The following AGAP1 variants were observed in gnomAD, a reference collection of about 807,000 sequenced individuals.
The protein encoded by AGAP1 is arf-GAP with GTPase, ANK repeat and PH domain-containing protein 1.
Under a neutral mutation model 105.3 loss-of-function variants are expected in AGAP1, and 29 were observed. The ratio of observed to expected loss-of-function variants is 0.28; its 90% CI spans 0.21 to 0.38. The LOEUF is 0.38. Ranked by LOEUF, AGAP1 falls within the 10% of genes least tolerant of loss-of-function variation. The pLI, the probability that AGAP1 is intolerant of heterozygous loss-of-function variation, is 1.00. For missense variants in AGAP1, 998 were observed against 1,165.1 expected, an observed-to-expected ratio of 0.86 and a Z score of 2.09; for synonymous variants, 509 against 485.9, an observed-to-expected ratio of 1.05 and a Z score of -0.63.
rs78641346 is a variant in AGAP1, at chr2:235,522,516, G to A, written c.163+27667G>A. Among the ~76,000 whole-genome samples the A allele has an allele frequency of 8.1e-3, 1,237 of 152,280 alleles. 15 individuals are homozygous for A. Among genetic ancestry groups the A allele is most frequent in the African/African-American group, 0.028 (1,181 of 41,552 alleles). The stretch of plus-strand genomic sequence containing the variant: ...AGAGAATGGGAGACACCCTGGAGAA[G>A]CCAAGCTGGGGAGGGAAGGAAGACG... On this transcript the variant is annotated intron_variant, in intron 1 of 17. Coordinates refer to ENST00000304032, the MANE Select transcript of AGAP1 (RefSeq NM_001037131.3).
chr2:236,048,109 G>A lies in AGAP1; in HGVS notation c.1892-950G>A, dbSNP rs746545709. ...TTTGTTGACTCTTCAGGTGTGTCCA[G>A]AGTAAGCATTGCCTATTCCCAGGTG... On this transcript the variant is annotated intron_variant, in intron 15 of 17. Transcript: ENST00000304032. Among the ~76,000 whole-genome samples, 6 of 152,234 alleles carry A rather than the reference G, an allele frequency of 3.9e-5. 1 individual carries two copies. The highest frequency in any genetic ancestry group is 3.9e-4 in the Admixed American group (6 of 15,276).
At position 236,101,033 on chromosome 2, in the gene AGAP1, G is replaced by T. The variant is rs1316256643; in HGVS notation, c.2115-19159G>T. On this transcript the variant is annotated intron_variant, in intron 16 of 17. Transcript: ENST00000304032. This position sits in a 1 kb window ranked among gnomAD's most constrained non-coding sequence, Gnocchi z 4.9. ...TGAGCATCAGCTAGGCTGACACAGG[G>T]GTCCGCAGACCCAGGCCCCTCATTC... Among the ~76,000 whole-genome samples, 5 of 152,010 alleles carry T rather than the reference G, an allele frequency of 3.3e-5. No individual in the cohort carries two copies. The highest frequency in any genetic ancestry group is 5.9e-5 in the Non-Finnish European group (4 of 68,020).
At chr2:235,538,460 T>TGTGCGC (rs1553561884) in intron 1 of AGAP1, among the ~76,000 whole-genome samples, 1 of 150,446 alleles carries the variant, frequency 6.6e-6, no homozygotes, top group African/African-American at 2.5e-5. Flanking sequence ...TGTGTGTGTG[T>TGTGCGC]GCATGCTTGT....
chr2:235,804,293 G>A (rs184013419), intron 8 of AGAP1, among the ~76,000 whole-genome samples: 1 of 152,274 alleles, frequency 6.6e-6, no homozygotes, highest in East Asian at 1.9e-4. Context: ...TGTTATTTAT[G>A]TGATATTTTT....
chr2:236,036,866 G>A lies in AGAP1; in HGVS notation c.1800+151G>A, dbSNP rs747924726. On this transcript the variant is annotated intron_variant, in intron 14 of 17. Transcript: ENST00000304032. This position sits in a 1 kb window ranked among gnomAD's most constrained non-coding sequence, Gnocchi z 5.7. Reference sequence around the variant, plus strand: ...GAGCAGAAAGCTCAATAACTAAAACGATCAGAAGCACTTTGTGTCTATACC... The same window carrying A: ...GAGCAGAAAGCTCAATAACTAAAACAATCAGAAGCACTTTGTGTCTATACC... 8 of 1,273,656 alleles carry A rather than the reference G, an allele frequency of 6.3e-6. No individual in the cohort carries two copies. In the East Asian group the frequency reaches 1.3e-4, roughly 20 times the overall value. 78.9% of individuals were successfully genotyped at this position (1,273,656 alleles called of 1,614,324 possible).
At position 235,732,154 on chromosome 2, in the gene AGAP1, G is replaced by C. The variant is rs183964961; in HGVS notation, c.311-8809G>C. On this transcript the variant is annotated intron_variant, in intron 3 of 17. Coordinates refer to ENST00000304032, the MANE Select transcript of AGAP1 (RefSeq NM_001037131.3). This position sits in a 1 kb window ranked among gnomAD's most constrained non-coding sequence, Gnocchi z 4.8. ...GAACATTCCTTTGTCTTTTATCTTCGAATAGTCTTTGAGTTCTTTTGTTGT... is the reference window on the plus strand; with the variant it reads ...GAACATTCCTTTGTCTTTTATCTTCCAATAGTCTTTGAGTTCTTTTGTTGT... Among the ~76,000 whole-genome samples the C allele has an allele frequency of 6.6e-6, 1 of 152,080 alleles. No homozygotes were observed. Among genetic ancestry groups the C allele is most frequent in the Admixed American group, 6.6e-5 (1 of 15,258 alleles).
intron 1 of AGAP1, among the ~76,000 whole-genome samples, chr2:235,704,041 A>C (rs1424497132): frequency 6.6e-6 from 1 of 152,160 alleles, no homozygotes; most frequent in Non-Finnish European, 1.5e-5. Context: ...GTCACTGTCA[A>C]ACCCATGGCT....
In AGAP1 at chr2:235,732,712, A is replaced by G. The variant is rs1325373666; in HGVS notation, c.311-8251A>G. On this transcript the variant is annotated intron_variant, in intron 3 of 17. Coordinates refer to ENST00000304032, the MANE Select transcript of AGAP1 (RefSeq NM_001037131.3). This position sits in a 1 kb window ranked among gnomAD's most constrained non-coding sequence, Gnocchi z 4.8. ...TCTTCCCAGACATTGTCTTTCCCTG[A>G]GACCGATGCTGACCACTGGGAAGAC... 2.6e-5 allele frequency among the ~76,000 whole-genome samples: 4 copies of G among 152,050 alleles called. No individual in the cohort carries two copies. Among genetic ancestry groups the G allele is most frequent in the Admixed American group, 2.6e-4 (4 of 15,280 alleles).
rs374249316 is a variant in AGAP1, at chr2:236,035,783, G to T, written c.1646-778G>T. 6.6e-6 allele frequency among the ~76,000 whole-genome samples: 1 copy of T among 152,162 alleles called. No individual in the cohort carries two copies. Among genetic ancestry groups the T allele is most frequent in the African/African-American group, 2.4e-5 (1 of 41,426 alleles). On this transcript the variant is annotated intron_variant, in intron 13 of 17. Transcript: ENST00000304032. This position sits in a 1 kb window ranked among gnomAD's most constrained non-coding sequence, Gnocchi z 4.2. The stretch of plus-strand genomic sequence containing the variant: ...CTCCTATGGACCAGGTCCCAAGTCC[G>T]CATGGGTCTGTACACTTCATGGAAC...
chr2:235,573,818 T>C, intron 1 of AGAP1, among the ~76,000 whole-genome samples: 1 of 152,336 alleles, frequency 6.6e-6, no homozygotes, highest in South Asian at 2.1e-4. Context: ...ACATGGAATG[T>C]GCATTCCTAA....
In AGAP1 at chr2:235,631,429, G is replaced by A. The variant is rs7594343; in HGVS notation, c.164-77750G>A. On this transcript the variant is annotated intron_variant, in intron 1 of 17. Coordinates refer to ENST00000304032, the MANE Select transcript of AGAP1 (RefSeq NM_001037131.3). This position sits in a 1 kb window ranked among gnomAD's most constrained non-coding sequence, Gnocchi z 5.4. The stretch of plus-strand genomic sequence containing the variant: ...GGGAGAGCCAAGGAGGACAGCCTCC[G>A]GGTGGGCCATCACTGCTGGTAGAGA... Among the ~76,000 whole-genome samples, 3,560 of 152,300 alleles carry A rather than the reference G, an allele frequency of 0.023. 133 individuals carry two copies. Among genetic ancestry groups the A allele is most frequent in the African/African-American group, 0.079 (3,274 of 41,568 alleles).
intron 1 of AGAP1, among the ~76,000 whole-genome samples, chr2:235,558,873 C>T (rs1397444339): frequency 1.3e-5 from 2 of 152,056 alleles, no homozygotes; most frequent in Non-Finnish European, 2.9e-5. Context: ...ATTACCATAG[C>T]CTCAGACATG....
chr2:235,523,961 C>T (rs1421446057), intron 1 of AGAP1, among the ~76,000 whole-genome samples: 2 of 146,006 alleles, frequency 1.4e-5, no homozygotes, highest in South Asian at 2.2e-4. Context: ...AGGCCGGGGG[C>T]GGTGGCCTTG....
chr2:235,651,033 T>C (rs1172944079), intron 1 of AGAP1, among the ~76,000 whole-genome samples: 1 of 151,598 alleles, frequency 6.6e-6, no homozygotes, highest in African/African-American at 2.4e-5. Context: ...TATAAAAAAT[T>C]AGCCAGGCAT....
At position 235,875,174 on chromosome 2, in the gene AGAP1, C is replaced by T. The variant is rs1020293407; in HGVS notation, c.1051-8171C>T. Among the ~76,000 whole-genome samples, 2 of 152,186 alleles carry T rather than the reference C, an allele frequency of 1.3e-5. No homozygotes were observed. Among genetic ancestry groups the T allele is most frequent in the African/African-American group, 4.8e-5 (2 of 41,448 alleles). ...TTTTATAAATGAGGTCACTTTTCAA[C>T]CTTACTGGTCCATGGCCCTGTCCTG... On this transcript the variant is annotated intron_variant, in intron 9 of 17. Transcript: ENST00000304032. This position sits in a 1 kb window ranked among gnomAD's most constrained non-coding sequence, Gnocchi z 4.0.
intron 6 of AGAP1, among the ~76,000 whole-genome samples, chr2:235,796,070 C>G (rs1013857620): frequency 3.5e-4 from 53 of 152,204 alleles, no homozygotes; most frequent in Non-Finnish European, 2.9e-5. Flanking sequence ...ACATTTCTTA[C>G]GAATGTAAAG....
chr2:235,784,237 A>G (rs986773163), intron 6 of AGAP1, among the ~76,000 whole-genome samples: 2 of 152,234 alleles, frequency 1.3e-5, no homozygotes, highest in Non-Finnish European at 2.9e-5. Flanking sequence ...TCTCACAAGT[A>G]GAAGTGTACA....
At chr2:236,059,515 T>G (rs1024864502) in intron 16 of AGAP1, among the ~76,000 whole-genome samples, 6 of 152,154 alleles carry the variant, frequency 3.9e-5, no homozygotes, top group African/African-American at 1.4e-4. Context: ...CAAAACGGTC[T>G]TGAAAAAAGA....
chr2:236,050,128 T>C lies in AGAP1; in HGVS notation c.2114+847T>C, dbSNP rs2057852909. 6.6e-6 allele frequency among the ~76,000 whole-genome samples: 1 copy of C among 152,250 alleles called. No individual in the cohort carries two copies. Among genetic ancestry groups the C allele is most frequent in the Admixed American group, 6.5e-5 (1 of 15,286 alleles). On this transcript the variant is annotated intron_variant, in intron 16 of 17. Transcript: ENST00000304032. This position sits in a 1 kb window ranked among gnomAD's most constrained non-coding sequence, Gnocchi z 4.0. ...AGGAGAGGTCTCCCATCACTGGTACTTTTTAGGTTCCTCTGATTTGTTTTG... is the reference window on the plus strand; with the variant it reads ...AGGAGAGGTCTCCCATCACTGGTACCTTTTAGGTTCCTCTGATTTGTTTTG...
Sources: allele counts gnomAD v4.1 joint callset (sites outside exome capture counted in the v4.1 genomes callset), GRCh38; gene constraint gnomAD v4.1.1; non-coding constraint Gnocchi (gnomAD v3.1); transcripts MANE v1.5; gene names NCBI Gene and HGNC (gene_info 2026-07-23, HGNC 2026-07-21).